The following MALRD1 variants were observed in gnomAD, a reference collection of about 807,000 sequenced individuals.
MALRD1 encodes MAM and LDL-receptor class A domain-containing protein 1.
A neutral mutation model predicts 242.1 loss-of-function variants in MALRD1; 247 were observed. That is an observed-to-expected ratio of 1.02 (90% CI 0.92 to 1.13). The LOEUF (loss-of-function observed/expected upper bound fraction) is 1.13. Ranked by LOEUF, MALRD1 falls within the 50% of genes most tolerant of loss-of-function variation. The pLI is 0.00. For synonymous variants in MALRD1, 995 were observed against 866.6 expected (o/e 1.15, Z -2.60); for missense variants, 2,989 against 2,533.1 (o/e 1.18, Z -3.86).
chr10:19,165,668 C>A lies in MALRD1; in HGVS notation c.1688C>A (p.Ser563Ter), dbSNP rs1834657751. The A allele has an allele frequency of 1.6e-6, 2 of 1,231,524 alleles. No individual in the cohort carries two copies. The highest frequency in any genetic ancestry group is 2.0e-6 in the Non-Finnish European group (2 of 987,884). The allele number at this position is 1,231,524 out of a possible 1,614,324, so 76.3% of individuals were successfully genotyped here. Residue 563 changes from serine to a stop codon, truncating the protein, a stop_gained, in exon 13 of 40, where the codon TCA becomes TAA. Transcript: ENST00000454679. LOFTEE classifies it high-confidence loss of function. ...VQFWYHLSQH[S>*]NLSVFTRTSL... ...TTTTGGTATCATTTGTCTCAACATT[C>A]AAATCTCTCAGTTTTTACAAGAACG...
intron 28 of MALRD1, among the ~76,000 whole-genome samples, chr10:19,434,740 AGGCAAAAGATAAATCTGG>A (rs1834280715): frequency 6.6e-6 from 1 of 151,946 alleles, no homozygotes; most frequent in Non-Finnish European, 1.5e-5. Flanking sequence ...TCTTTTTCTG[AGGCAAAAGATAAATCTGG>A]GTCTTCATGG....
chr10:19,313,412 G>C (rs1842512372), intron 21 of MALRD1, among the ~76,000 whole-genome samples: 1 of 151,412 alleles, frequency 6.6e-6, no homozygotes. Context: ...CATCTCAGAT[G>C]TGAATGTTTT....
At chr10:19,435,128 T>C (rs1834299288) in intron 28 of MALRD1, among the ~76,000 whole-genome samples, 1 of 149,232 alleles carries the variant, frequency 6.7e-6, no homozygotes, top group African/African-American at 2.4e-5. Flanking sequence ...TAATATATTT[T>C]ATAATATATA....
At chr10:19,407,106 A>G (rs1031953546) in intron 28 of MALRD1, among the ~76,000 whole-genome samples, 1 of 152,120 alleles carries the variant, frequency 6.6e-6, no homozygotes, top group Non-Finnish European at 1.5e-5. Flanking sequence ...GGCTTCTATG[A>G]GCATGGATCA....
intron 19 of MALRD1, among the ~76,000 whole-genome samples, chr10:19,269,094 A>C (rs191727607): frequency 9.8e-5 from 15 of 152,314 alleles, no homozygotes; most frequent in Admixed American, 9.8e-4. Flanking sequence ...AGAGACTTAA[A>C]TCTATCATTG....
intron 10 of MALRD1, among the ~76,000 whole-genome samples, chr10:19,143,975 A>G (rs1474990599): frequency 6.6e-6 from 1 of 152,206 alleles, no homozygotes; most frequent in Non-Finnish European, 1.5e-5. Context: ...ATCAAGAGCC[A>G]TATCCTATAA....
intron 11 of MALRD1, among the ~76,000 whole-genome samples, chr10:19,154,430 G>C (rs1043335598): frequency 6.6e-6 from 1 of 152,158 alleles, no homozygotes; most frequent in African/African-American, 2.4e-5. Flanking sequence ...ACATTGTTGG[G>C]TATAGCCTTC....
chr10:19,260,150 C>A (rs933417803), intron 19 of MALRD1, among the ~76,000 whole-genome samples: 1 of 152,086 alleles, frequency 6.6e-6, no homozygotes, highest in Non-Finnish European at 1.5e-5. Flanking sequence ...ATTCTATGTG[C>A]CAGATACTAT....
At position 19,235,404 on chromosome 10, in the gene MALRD1, C is replaced by A. The variant is rs1174407603; in HGVS notation, c.2992-22280C>A. ...ATTTTTTTTTCGTGTATTTGTTAGC[C>A]ATTTGTATGTGTTCTCTTGAGAAGT... On this transcript the variant is annotated intron_variant, in intron 18 of 39. Coordinates refer to ENST00000454679, the MANE Select transcript of MALRD1 (RefSeq NM_001142308.3). 1.3e-5 allele frequency among the ~76,000 whole-genome samples: 2 copies of A among 151,584 alleles called. 1 individual carries two copies.
At chr10:19,531,927 T>C (rs1005976556) in intron 32 of MALRD1, among the ~76,000 whole-genome samples, 1 of 152,222 alleles carries the variant, frequency 6.6e-6, no homozygotes, top group Admixed American at 6.5e-5. Context: ...TCTTGGTTTC[T>C]AATTAAATGG....
intron 13 of MALRD1, among the ~76,000 whole-genome samples, chr10:19,174,645 ATAAAC>A (rs1265983645): frequency 6.6e-6 from 1 of 151,944 alleles, no homozygotes; most frequent in Non-Finnish European, 1.5e-5. Context: ...CAGCGTTAGA[ATAAAC>A]TAAAATTAAA....
At chr10:19,250,073 G>A (rs1839233514) in intron 18 of MALRD1, among the ~76,000 whole-genome samples, 1 of 151,522 alleles carries the variant, frequency 6.6e-6, no homozygotes, top group Non-Finnish European at 1.5e-5. Context: ...TTAATGGTAT[G>A]GAAGATAAAA....
At chr10:19,340,785 G>A (rs551101028) in intron 24 of MALRD1, among the ~76,000 whole-genome samples, 3 of 152,160 alleles carry the variant, frequency 2.0e-5, no homozygotes, top group Non-Finnish European at 1.5e-5. Flanking sequence ...TACTTTTTAT[G>A]TCATAGCAGT....
chr10:19,634,606 G>T (rs536257204), intron 36 of MALRD1, among the ~76,000 whole-genome samples: 45 of 152,202 alleles, frequency 3.0e-4, no homozygotes, highest in African/African-American at 1.0e-3. Context: ...GCTCGGCATT[G>T]TTCTGGATTC....
At position 19,280,114 on chromosome 10, in the gene MALRD1, C is replaced by G; in HGVS notation, c.3147C>G (p.Asn1049Lys). ...TTCCTGTAACATTACCTCCACACAACTGCACAGACAATGAATTTATCTGCA... is the reference window on the plus strand; with the variant it reads ...TTCCTGTAACATTACCTCCACACAAGTGCACAGACAATGAATTTATCTGCA... ...TSVPVTLPPH[N>K]CTDNEFICRS... Residue 1049 changes from asparagine to lysine, a missense_variant, in exon 20 of 40, where the codon AAC becomes AAG. Asn to Lys is a moderately conservative substitution (Grantham distance 94). Coordinates refer to ENST00000454679, the MANE Select transcript of MALRD1 (RefSeq NM_001142308.3). 4 of 1,545,264 alleles carry G rather than the reference C, an allele frequency of 2.6e-6. No individual in the cohort carries two copies. Among genetic ancestry groups the G allele is most frequent in the Non-Finnish European group, 3.5e-6 (4 of 1,145,092 alleles).
In MALRD1 at chr10:19,490,510, G is replaced by GGGT. The variant is rs1554783702; in HGVS notation, c.5030-1005_5030-1004insTGG. ...AACAGAAGAAGCCAAGTGGGGCGGG[G>GGGT]GGGGGGCAGGGTTATGGGGGTGAGG... is the stretch of plus-strand genomic sequence containing the variant. On this transcript the variant is annotated intron_variant, in intron 29 of 39. Transcript: ENST00000454679. Among the ~76,000 whole-genome samples, 255 of 67,314 alleles carry GGGT rather than the reference G, an allele frequency of 3.8e-3. 27 individuals are homozygous for GGGT. Among genetic ancestry groups the GGGT allele is most frequent in the Non-Finnish European group, 6.8e-3 (198 of 29,000 alleles). The allele number at this position is 67,314 out of a possible 152,430, so 44.2% of individuals were successfully genotyped here. A position where few individuals can be genotyped will look rare whatever the true frequency, so the allele number is the denominator to read the frequency against.
chr10:19,566,534 A>T (rs1018713940), intron 32 of MALRD1, among the ~76,000 whole-genome samples: 4 of 151,586 alleles, frequency 2.6e-5, no homozygotes, highest in Admixed American at 6.6e-5. Flanking sequence ...CACTGGAAAA[A>T]TGTACTATTG....
intron 21 of MALRD1, among the ~76,000 whole-genome samples, chr10:19,308,170 C>T (rs562484663): frequency 2.2e-4 from 33 of 151,514 alleles, no homozygotes; most frequent in Middle Eastern, 6.8e-3. Context: ...CCCTACATTT[C>T]GTCTAGACTC....
At chr10:19,457,923 A>G (rs1366516431) in intron 29 of MALRD1, among the ~76,000 whole-genome samples, 1 of 151,658 alleles carries the variant, frequency 6.6e-6, no homozygotes, top group Non-Finnish European at 1.5e-5. Context: ...TTTATTTTGG[A>G]TTCAAAATCT....
Sources: allele counts gnomAD v4.1 joint callset (sites outside exome capture counted in the v4.1 genomes callset), GRCh38; gene constraint gnomAD v4.1.1; transcripts MANE v1.5; gene names NCBI Gene and HGNC (gene_info 2026-07-23, HGNC 2026-07-21).